Variants in ZBTB20 observed in about 807,000 individuals in gnomAD.
The protein encoded by ZBTB20 is zinc finger and BTB domain containing 20, also known as zinc finger and BTB domain-containing protein 20.
In ZBTB20, 9 loss-of-function variants were observed where a neutral mutation model predicts 56.9. The ratio of observed to expected loss-of-function variants is 0.16; its 90% CI spans 0.10 to 0.28. ZBTB20 has a LOEUF of 0.28. Ranked by LOEUF, ZBTB20 falls within the 10% of genes least tolerant of loss-of-function variation. ZBTB20 has a pLI of 1.00. For missense variants in ZBTB20, 655 were observed against 1,003.0 expected (o/e 0.65, Z 4.69); for synonymous variants, 417 against 420.7 (o/e 0.99, Z 0.11).
intron 6 of ZBTB20, among the ~76,000 whole-genome samples, chr3:114,515,001 G>C (rs1577217656): frequency 6.6e-6 from 1 of 152,274 alleles, no homozygotes; most frequent in Non-Finnish European, 1.5e-5. Context: ...TGTGATAATG[G>C]TGGTAATGAC....
chr3:115,039,332 G>A (rs992156838), intron 2 of ZBTB20, among the ~76,000 whole-genome samples: 1 of 152,070 alleles, frequency 6.6e-6, no homozygotes, highest in East Asian at 1.9e-4. Context: ...GAAAACAATC[G>A]GGATAGAAAA....
chr3:114,561,694 G>A (rs76260273), intron 6 of ZBTB20, among the ~76,000 whole-genome samples: 2,291 of 152,008 alleles, frequency 0.015, 56 homozygotes, highest in African/African-American at 0.052. Flanking sequence ...TAGAGCTCAG[G>A]CAGGGTAGAT....
At chr3:114,976,581 G>A (rs540948682) in intron 2 of ZBTB20, among the ~76,000 whole-genome samples, 22 of 151,084 alleles carry the variant, frequency 1.5e-4, no homozygotes, top group South Asian at 6.3e-4. Context: ...AGCCAAGATC[G>A]CGCCACTGCC....
intron 7 of ZBTB20, among the ~76,000 whole-genome samples, chr3:114,490,317 G>A (rs1289654474): frequency 6.6e-6 from 1 of 151,708 alleles, no homozygotes. Flanking sequence ...TGCCTCCTGG[G>A]TTCAAGAGAT....
At chr3:114,363,906 T>C (rs189740921) in intron 10 of ZBTB20, among the ~76,000 whole-genome samples, 1 of 152,216 alleles carries the variant, frequency 6.6e-6, no homozygotes, top group East Asian at 1.9e-4. Flanking sequence ...TTTATACTTA[T>C]ATACATCGCT....
intron 6 of ZBTB20, among the ~76,000 whole-genome samples, chr3:114,544,469 CTTTCTT>C (rs1163224234): frequency 1.3e-5 from 1 of 77,420 alleles, no homozygotes; most frequent in Non-Finnish European, 2.6e-5. Context: ...TTCTTTCTTT[CTTTCTT>C]TCTTTTTCTT....
intron 5 of ZBTB20, among the ~76,000 whole-genome samples, chr3:114,705,374 T>C (rs2063654619): frequency 6.6e-6 from 1 of 151,800 alleles, no homozygotes; most frequent in Non-Finnish European, 1.5e-5. Flanking sequence ...TATGCAAAAT[T>C]CCCCCCCAAA....
intron 6 of ZBTB20, among the ~76,000 whole-genome samples, chr3:114,580,430 A>C (rs2054530848): frequency 6.6e-6 from 1 of 151,812 alleles, no homozygotes. Flanking sequence ...TTTCCATTAA[A>C]ATAAGAAACA....
intron 3 of ZBTB20, among the ~76,000 whole-genome samples, chr3:114,955,063 C>G (rs185687069): frequency 6.6e-6 from 1 of 152,168 alleles, no homozygotes; most frequent in Non-Finnish European, 1.5e-5. Flanking sequence ...GCAGGTGAAT[C>G]CTGAGGTGAA....
At chr3:114,441,218 G>A (rs2090899113) in intron 7 of ZBTB20, among the ~76,000 whole-genome samples, 1 of 152,068 alleles carries the variant, frequency 6.6e-6, no homozygotes, top group Non-Finnish European at 1.5e-5. Flanking sequence ...AACCAACAGA[G>A]ACAAGTATAT....
Position 114,351,410 on chromosome 3 carries a change from T to C in ZBTB20, c.668A>G (p.Gln223Arg), listed in dbSNP as rs1272393201. 2 of 1,612,950 alleles carry C rather than the reference T, an allele frequency of 1.2e-6. No individual in the cohort carries two copies. Among genetic ancestry groups the C allele is most frequent in the East Asian group, 2.2e-5 (1 of 44,818 alleles). ...RGTPESGTSGQSSDTESGYLQ... is the reference protein window; with the variant it reads ...RGTPESGTSGRSSDTESGYLQ... ...GTAGCCCGACTCCGTGTCGCTGCTC[T>C]GGCCTGACGTGCCTGACTCGGGAGT... is the stretch of plus-strand genomic sequence containing the variant. The change falls in exon 11 of 12, where the codon CAG becomes CGG. Residue 223 changes from glutamine to arginine, a missense_variant. Transcript: ENST00000675478.
chr3:114,501,624 C>CA (rs553940453), intron 6 of ZBTB20, among the ~76,000 whole-genome samples: 4,208 of 36,478 alleles, frequency 0.12, 286 homozygotes, highest in African/African-American at 0.29. Flanking sequence ...AAAACTCCGT[C>CA]AAAAAAAAAA....
chr3:114,548,613 G>A (rs1272419004), intron 6 of ZBTB20, among the ~76,000 whole-genome samples: 1 of 151,700 alleles, frequency 6.6e-6, no homozygotes, highest in Non-Finnish European at 1.5e-5. Flanking sequence ...CTGCCTCTTG[G>A]GTTCAAGTGA....
At chr3:114,921,319 C>T (rs566995444) in intron 3 of ZBTB20, among the ~76,000 whole-genome samples, 107 of 152,168 alleles carry the variant, frequency 7.0e-4, no homozygotes, top group Middle Eastern at 3.4e-3. Flanking sequence ...GATGGGGTTT[C>T]ACTGTGTTGG....
intron 10 of ZBTB20, among the ~76,000 whole-genome samples, chr3:114,374,027 G>C (rs1383569120): frequency 6.6e-6 from 1 of 151,980 alleles, no homozygotes; most frequent in African/African-American, 2.4e-5. Context: ...GGAAATTAGA[G>C]CAAATAAAAA....
intron 11 of ZBTB20, among the ~76,000 whole-genome samples, chr3:114,347,553 A>G (rs2080298180): frequency 6.6e-6 from 1 of 152,152 alleles, no homozygotes; most frequent in African/African-American, 2.4e-5. Flanking sequence ...TGTTTTCCCT[A>G]GAAATTGAAA....
At chr3:114,913,616 G>A (rs1235750106) in intron 3 of ZBTB20, among the ~76,000 whole-genome samples, 2 of 151,068 alleles carry the variant, frequency 1.3e-5, no homozygotes, top group East Asian at 1.9e-4. Flanking sequence ...TTTTTGCTTT[G>A]GTTGCTTGTG....
chr3:114,410,851 C>G (rs181763888), intron 7 of ZBTB20, among the ~76,000 whole-genome samples: 1 of 152,102 alleles, frequency 6.6e-6, no homozygotes, highest in Non-Finnish European at 1.5e-5. Flanking sequence ...TTGAGCCGCC[C>G]ATTTTCTGGA....
intron 5 of ZBTB20, among the ~76,000 whole-genome samples, chr3:114,719,698 A>G (rs981906650): frequency 1.3e-5 from 2 of 152,166 alleles, no homozygotes; most frequent in Non-Finnish European, 2.9e-5. Context: ...GAATTGCTGA[A>G]CTACAAATAT....
Sources: gnomAD v4.1 joint callset for allele counts (sites outside exome capture counted in the v4.1 genomes callset) on GRCh38, gnomAD v4.1.1 for gene constraint, MANE v1.5 for transcripts, NCBI Gene and HGNC (gene_info 2026-07-23, HGNC 2026-07-21) for gene names.